RASGRF1: variants seen among roughly 807,000 people sequenced by gnomAD.
RASGRF1 encodes Ras protein specific guanine nucleotide releasing factor 1.
In RASGRF1, 40 loss-of-function variants were observed where a neutral mutation model predicts 138.7. The observed-to-expected ratio is 0.29, with a 90% CI of 0.22 to 0.38. The LOEUF is 0.38. RASGRF1 is among the 10% of genes least tolerant of loss of function. RASGRF1 has a pLI of 1.00. For synonymous variants in RASGRF1, 614 were observed against 663.2 expected, an observed-to-expected ratio of 0.93 and a Z score of 1.14; for missense variants, 1,108 against 1,650.4, an observed-to-expected ratio of 0.67 and a Z score of 5.69.
At chr15:78,965,465 C>G (rs1321641001) in intron 26 of RASGRF1, among the ~76,000 whole-genome samples, 2 of 152,194 alleles carry the variant, frequency 1.3e-5, no homozygotes, top group East Asian at 3.8e-4. Context: ...TGAGTTCTTG[C>G]ATCAGACAGC....
rs185244301 is a variant in RASGRF1, at chr15:79,025,482, T to A, written c.1382-8A>T. On this transcript the variant is annotated splice_polypyrimidine_tract_variant and splice_region_variant and intron_variant, in intron 9 of 26. Coordinates refer to ENST00000558480, the MANE Select transcript of RASGRF1 (RefSeq NM_001145648.3). The stretch of plus-strand genomic sequence containing the variant: ...GCACCTGAATGAGGGAACCTGTGGG[T>A]GGAGGAGAGAGACCCTGAGCCCATC... 7.8e-5 allele frequency: 126 copies of A among 1,610,642 alleles called. No individual in the cohort carries two copies. The African/African-American group carries it at 1.4e-3, about 18-fold the overall frequency.
chr15:79,025,455 G>A lies in RASGRF1; in HGVS notation c.1401C>T (p.Pro467=), dbSNP rs1380303606. Residue 467 remains proline (P), a synonymous_variant, in exon 10 of 27, where the codon CCC becomes CCT. Transcript: ENST00000558480. The part of the protein sequence containing the change: ...FVRQGSLIQV[P]MSEKGKITRG... ...TGGTGATCTTGCCCTTTTCAGACAT[G>A]GGCACCTGAATGAGGGAACCTGTGG... 3.1e-6 allele frequency: 5 copies of A among 1,613,128 alleles called. No homozygotes were observed. The highest frequency in any genetic ancestry group is 4.2e-6 in the Non-Finnish European group (5 of 1,179,454).
intron 3 of RASGRF1, among the ~76,000 whole-genome samples, chr15:79,053,973 G>A (rs2057472478): frequency 6.6e-6 from 1 of 152,246 alleles, no homozygotes; most frequent in Admixed American, 6.5e-5. Flanking sequence ...CTCTCTGAAA[G>A]GAAAACTGAC....
intron 17 of RASGRF1, 125 bp from the exon 18 acceptor site, chr15:78,998,950 G>T: frequency 1.4e-6 from 1 of 698,434 alleles, no homozygotes; most frequent in East Asian, 2.7e-5. Context: ...ATGGGCAGGG[G>T]GATAACAACA....
At chr15:79,019,211 C>T (rs746332411) in intron 11 of RASGRF1, among the ~76,000 whole-genome samples, 1 of 152,164 alleles carries the variant, frequency 6.6e-6, no homozygotes, top group African/African-American at 2.4e-5. Flanking sequence ...GAAAAGAGCA[C>T]GGGTCCTGCT....
intron 11 of RASGRF1, among the ~76,000 whole-genome samples, chr15:79,018,350 G>A (rs2056910855): frequency 6.6e-6 from 1 of 152,252 alleles, no homozygotes; most frequent in Non-Finnish European, 1.5e-5. Context: ...TTTATGGATT[G>A]GGCTGGACAT....
rs543339152 is a variant in RASGRF1 at position 79,038,405 on chromosome 15, G to T, written c.879-3195C>A. Among the ~76,000 whole-genome samples the T allele has an allele frequency of 1.3e-3, 196 of 152,214 alleles. 2 individuals are homozygous for T. Among genetic ancestry groups the T allele is most frequent in the Non-Finnish European group, 2.3e-3 (158 of 67,998 alleles). ...AGTTGATGAAGCCTCCATTTCTAAG[G>T]TTAAATTTAAAGAATTTCACTTGTA... On this transcript the variant is annotated intron_variant, in intron 5 of 26. Coordinates refer to ENST00000558480, the MANE Select transcript of RASGRF1 (RefSeq NM_001145648.3).
At chr15:78,972,408 C>CTT (rs555344686) in intron 25 of RASGRF1, among the ~76,000 whole-genome samples, 3 of 142,608 alleles carry the variant, frequency 2.1e-5, no homozygotes, top group African/African-American at 7.7e-5. Flanking sequence ...TGTTTTTTTT[C>CTT]TTTTTTTTTT....
chr15:79,065,001 CTG>C (rs1200440538), intron 1 of RASGRF1, among the ~76,000 whole-genome samples: 2 of 152,206 alleles, frequency 1.3e-5, no homozygotes, highest in Admixed American at 6.5e-5. Context: ...AAAGCCACCT[CTG>C]TGTTGGGTGC....
chr15:78,999,493 A>G (rs1278797350), intron 17 of RASGRF1, among the ~76,000 whole-genome samples: 1 of 151,996 alleles, frequency 6.6e-6, no homozygotes, highest in Admixed American at 6.6e-5. Flanking sequence ...GTGACCCAGC[A>G]CCTCCACAAG....
rs753750806 is a variant in RASGRF1 at position 78,973,270 on chromosome 15, C to T, written c.3612+33G>A. 7 of 1,530,796 alleles carry T rather than the reference C, an allele frequency of 4.6e-6. No individual in the cohort carries two copies. The highest frequency in any genetic ancestry group is 3.5e-5 in the Admixed American group (2 of 56,878). 94.8% of individuals were successfully genotyped at this position (1,530,796 alleles called of 1,614,324 possible). ...GGTTGAGTCATCTGGGCTTCAACGC[C>T]CCCCTTCCCCTGCCTGGCTGGGGGG... On this transcript the variant is annotated intron_variant, in intron 25 of 26. Coordinates refer to ENST00000558480, the MANE Select transcript of RASGRF1 (RefSeq NM_001145648.3). This position sits in a 1 kb window ranked among gnomAD's most constrained non-coding sequence, Gnocchi z 4.9.
chr15:79,043,376 C>A (rs1324582068), intron 5 of RASGRF1, among the ~76,000 whole-genome samples: 1 of 152,070 alleles, frequency 6.6e-6, no homozygotes, highest in Non-Finnish European at 1.5e-5. Flanking sequence ...GTGTTCCTTC[C>A]ATGTTATATT....
rs2056674826 is a variant in RASGRF1 at position 79,006,374 on chromosome 15, G to C, written c.1887C>G (p.Ser629=). The stretch of plus-strand genomic sequence containing the variant: ...CGTAGCGGATCTGCAGCACTTTGCA[G>C]GAGTTCATGGTTTTGCTGAAGCGAA... The part of the protein sequence containing the change: ...VDIRFSKTMN[S]CKVLQIRYAS... The change falls in exon 14 of 27, where the codon TCC becomes TCG. Residue 629 remains serine, a synonymous_variant. Transcript: ENST00000558480. This position sits in a 1 kb window ranked among gnomAD's most constrained non-coding sequence, Gnocchi z 4.0. 1.2e-6 allele frequency: 2 copies of C among 1,614,060 alleles called. No homozygotes were observed. The highest frequency in any genetic ancestry group is 3.3e-5 in the Admixed American group (2 of 59,998).
At chr15:78,997,614 T>TA (rs774926493) in intron 19 of RASGRF1, among the ~76,000 whole-genome samples, 6 of 151,100 alleles carry the variant, frequency 4.0e-5, no homozygotes, top group Non-Finnish European at 8.8e-5. Context: ...CAGGTGCCTA[T>TA]AATCCCAGCT....
In RASGRF1 at chr15:79,032,062, T is replaced by G; in HGVS notation, c.1152+61A>C. On this transcript the variant is annotated intron_variant, in intron 7 of 26. Transcript: ENST00000558480. The surrounding 1 kb of genome is among the most constrained non-coding windows in gnomAD (Gnocchi z 4.5). Reference sequence around the variant, plus strand: ...GTTAAGCACTGTGCCCCCACCGCCATGGTCCATCCCCCACACCTGCCTCCC... The same window carrying G: ...GTTAAGCACTGTGCCCCCACCGCCAGGGTCCATCCCCCACACCTGCCTCCC... 5 of 1,541,310 alleles carry G rather than the reference T, an allele frequency of 3.2e-6. No homozygotes were observed. Among genetic ancestry groups the G allele is most frequent in the Non-Finnish European group, 3.5e-6 (4 of 1,135,710 alleles).
At chr15:78,975,515 C>CTT (rs55747212) in intron 24 of RASGRF1, among the ~76,000 whole-genome samples, 10 of 140,482 alleles carry the variant, frequency 7.1e-5, no homozygotes, top group East Asian at 4.1e-4. Flanking sequence ...CTTTCTTTTT[C>CTT]TTTTTTTTTT....
At chr15:79,016,715 C>A (rs1271537873) in intron 12 of RASGRF1, among the ~76,000 whole-genome samples, 1 of 152,208 alleles carries the variant, frequency 6.6e-6, no homozygotes, top group East Asian at 1.9e-4. Context: ...TCATCCCACC[C>A]GCCTTACTCC....
At chr15:79,074,674 G>T (rs1387456547) in intron 1 of RASGRF1, among the ~76,000 whole-genome samples, 1 of 152,208 alleles carries the variant, frequency 6.6e-6, no homozygotes, top group South Asian at 2.1e-4. Flanking sequence ...CATCGCTGGG[G>T]TCCAACTGCA....
At chr15:79,014,730 A>G (rs539320220) in intron 13 of RASGRF1, among the ~76,000 whole-genome samples, 1 of 152,270 alleles carries the variant, frequency 6.6e-6, no homozygotes, top group East Asian at 1.9e-4. Flanking sequence ...ATACTGGCTA[A>G]CATGGTGAAA....
Sources: gnomAD v4.1 joint callset for allele counts (sites outside exome capture counted in the v4.1 genomes callset) on GRCh38, gnomAD v4.1.1 for gene constraint, Gnocchi (gnomAD v3.1) non-coding constraint, MANE v1.5 for transcripts, NCBI Gene and HGNC (gene_info 2026-07-23, HGNC 2026-07-21) for gene names.